Variants in TULP4 observed in about 807,000 individuals in gnomAD.
TULP4 encodes TUB like protein 4.
A neutral mutation model predicts 129.0 loss-of-function variants in TULP4; 16 were observed. That is an observed-to-expected ratio of 0.12 (90% CI 0.08 to 0.19). The LOEUF (loss-of-function observed/expected upper bound fraction) is 0.19. Among genes scored for constraint, TULP4 ranks in the 10% least tolerant of loss-of-function variants. The pLI is 1.00. For missense variants in TULP4, 1,842 were observed against 2,059.1 expected (o/e 0.89, Z 2.04); for synonymous variants, 998 against 854.0 (o/e 1.17, Z -2.94).
At position 158,479,888 on chromosome 6, in the gene TULP4, C is replaced by G. The variant is rs1779900357; in HGVS notation, c.1164C>G (p.Thr388=). 2 of 1,613,460 alleles carry G rather than the reference C, an allele frequency of 1.2e-6. No homozygotes were observed. Among genetic ancestry groups the G allele is most frequent in the Non-Finnish European group, 1.7e-6 (2 of 1,180,042 alleles). The change falls in exon 7 of 14, where the codon ACC becomes ACG. Residue 388 remains threonine, a synonymous_variant. Transcript: ENST00000367097. The part of the protein sequence containing the change: ...QLLCQQAIAS[T]LREDKDVSKL... Reference sequence around the variant, plus strand: ...TGTGCCAGCAGGCCATCGCCAGCACCTTGCGTGAGGACAAGGACGTCAGCA... The same window carrying G: ...TGTGCCAGCAGGCCATCGCCAGCACGTTGCGTGAGGACAAGGACGTCAGCA...
intron 3 of TULP4, among the ~76,000 whole-genome samples, chr6:158,433,680 C>T (rs552624338): frequency 1.3e-5 from 2 of 152,300 alleles, no homozygotes; most frequent in South Asian, 4.1e-4. Flanking sequence ...GCACTCCAGC[C>T]TGGTAACAAG....
intron 2 of TULP4, among the ~76,000 whole-genome samples, chr6:158,422,281 A>G (rs952744375): frequency 2.0e-5 from 3 of 152,206 alleles, no homozygotes; most frequent in African/African-American, 7.2e-5. Flanking sequence ...TGAATGAAAA[A>G]TTGGGCATAG....
At chr6:158,396,568 A>C (rs1003599204) in intron 1 of TULP4, among the ~76,000 whole-genome samples, 3 of 152,346 alleles carry the variant, frequency 2.0e-5, no homozygotes, top group Non-Finnish European at 4.4e-5. Flanking sequence ...CCAAATGGAC[A>C]GAATTTAATG....
intron 2 of TULP4, among the ~76,000 whole-genome samples, chr6:158,427,471 C>CTTTTGTTTTTTT (rs1778524542): frequency 1.3e-5 from 1 of 74,124 alleles, no homozygotes; most frequent in African/African-American, 6.2e-5. Context: ...ATTATCAGAC[C>CTTTTGTTTTTTT]TTTTTTTTTT....
intron 1 of TULP4, among the ~76,000 whole-genome samples, chr6:158,321,343 T>C (rs1478040545): frequency 1.3e-5 from 2 of 152,126 alleles, no homozygotes; most frequent in African/African-American, 2.4e-5. Context: ...GCACCAGGCA[T>C]GCATATTTTT....
At chr6:158,339,117 G>A (rs1244950024) in intron 1 of TULP4, among the ~76,000 whole-genome samples, 1 of 152,140 alleles carries the variant, frequency 6.6e-6, no homozygotes, top group Non-Finnish European at 1.5e-5. Context: ...CTAAGTGTCG[G>A]CCAGTCTGAG....
intron 1 of TULP4, among the ~76,000 whole-genome samples, chr6:158,316,011 T>C (rs1356591053): frequency 2.0e-5 from 3 of 152,380 alleles, no homozygotes; most frequent in Middle Eastern, 3.4e-3. Context: ...ACTCATATTC[T>C]GACTTCTGTC....
intron 1 of TULP4, chr6:158,242,640 C>T: frequency 1.5e-6 from 1 of 687,328 alleles, no homozygotes; most frequent in South Asian, 1.5e-5. Context: ...CAAGGCTTCT[C>T]TGAAACTTCC....
At chr6:158,237,612 C>T in intron 1 of TULP4, 1 of 1,435,646 alleles carries the variant, frequency 7.0e-7, no homozygotes. Context: ...AACATTCTTG[C>T]ATTGGCAGCC....
At chr6:158,355,846 A>G (rs919780679) in intron 1 of TULP4, among the ~76,000 whole-genome samples, 2 of 152,234 alleles carry the variant, frequency 1.3e-5, no homozygotes, top group Non-Finnish European at 2.9e-5. Flanking sequence ...ATGCAACAAC[A>G]TGGATTAATC....
chr6:158,450,176 G>A (rs767792996), intron 4 of TULP4, among the ~76,000 whole-genome samples: 1 of 152,192 alleles, frequency 6.6e-6, no homozygotes, highest in Non-Finnish European at 1.5e-5. Context: ...TTCTTGATTA[G>A]AAGTGGTCAC....
intron 1 of TULP4, among the ~76,000 whole-genome samples, chr6:158,254,211 C>T (rs374074842): frequency 3.4e-4 from 51 of 152,146 alleles, no homozygotes; most frequent in African/African-American, 7.5e-4. Flanking sequence ...GGCATGATCT[C>T]GGCTCACTGC....
intron 1 of TULP4, among the ~76,000 whole-genome samples, chr6:158,401,606 AGTCAAGCTGTGGGCCCAGGGTGTG>A (rs71818271): frequency 0.28 from 42,355 of 151,712 alleles, 6,566 homozygotes; most frequent in East Asian, 0.65. Flanking sequence ...ACCCGTGCAG[AGTCAAGCTGTGGGCCCAGGGTGTG>A]GTCAAGCCGT....
At chr6:158,280,609 G>A (rs1174032172), upstream of TULP4, among the ~76,000 whole-genome samples, 1 of 152,262 alleles carries the variant, frequency 6.6e-6, no homozygotes, top group South Asian at 2.1e-4. Flanking sequence ...CTGTCTAACT[G>A]TTGGCTGCTG....
intron 1 of TULP4, among the ~76,000 whole-genome samples, chr6:158,346,370 C>T (rs1290505305): frequency 6.6e-6 from 1 of 152,204 alleles, no homozygotes; most frequent in Non-Finnish European, 1.5e-5. Flanking sequence ...TCCAGCCGGT[C>T]CCTCCCTTTG....
At chr6:158,395,580 T>TA (rs764395132) in intron 1 of TULP4, among the ~76,000 whole-genome samples, 1,118 of 110,218 alleles carry the variant, frequency 0.01, 25 homozygotes, top group African/African-American at 0.03. Context: ...AAACTCTGTC[T>TA]AAAAAAAAAA....
chr6:158,349,438 C>T (rs148984819), intron 1 of TULP4, among the ~76,000 whole-genome samples: 5,909 of 119,998 alleles, frequency 0.049, 206 homozygotes, highest in African/African-American at 0.08. Flanking sequence ...ACATCCCAGA[C>T]GGGGCGGCTG....
intron 1 of TULP4, among the ~76,000 whole-genome samples, chr6:158,372,673 A>G (rs1483492675): frequency 6.6e-6 from 1 of 152,172 alleles, no homozygotes; most frequent in Non-Finnish European, 1.5e-5. Flanking sequence ...CCTATCTTTA[A>G]AGTAATAATG....
At chr6:158,278,520 A>G (rs981837628), upstream of TULP4, among the ~76,000 whole-genome samples, 5 of 152,300 alleles carry the variant, frequency 3.3e-5, no homozygotes, top group African/African-American at 2.4e-5. Flanking sequence ...TTAATTTTCA[A>G]TACATATACT....
Sources: allele counts gnomAD v4.1 joint callset (sites outside exome capture counted in the v4.1 genomes callset), GRCh38; gene constraint gnomAD v4.1.1; transcripts MANE v1.5; gene names NCBI Gene and HGNC (gene_info 2026-07-23, HGNC 2026-07-21).